Variants in LRRC4C observed in about 807,000 individuals in gnomAD.
LRRC4C encodes the protein leucine rich repeat containing 4C.
LRRC4C carries 5 observed loss-of-function variants against 33.6 expected under a neutral mutation model. The observed-to-expected ratio is 0.15, with a 90% confidence interval of 0.08 to 0.31. The LOEUF (loss-of-function observed/expected upper bound fraction) is 0.31, where lower values mean the gene tolerates loss of function less well. LRRC4C is among the 10% of genes least tolerant of loss of function. The pLI, the probability that LRRC4C is intolerant of heterozygous loss-of-function variation, is 1.00. For synonymous variants in LRRC4C, 329 were observed against 302.0 expected, an observed-to-expected ratio of 1.09 and a Z score of -0.93; for missense variants, 560 against 796.7, an observed-to-expected ratio of 0.70 and a Z score of 3.58.
chr11:40,156,944 C>A lies in LRRC4C; in HGVS notation c.-95-16091G>T, dbSNP rs531863299. Among the ~76,000 whole-genome samples, 155 of 152,082 alleles carry A rather than the reference C, an allele frequency of 1.0e-3. 1 individual carries two copies. The highest frequency in any genetic ancestry group is 2.0e-3 in the Non-Finnish European group (135 of 67,958). On this transcript the variant is annotated intron_variant, in intron 5 of 6. Transcript: ENST00000528697. ...AAATTCATATGGAATCAAAAAAGAG[C>A]CCGTATAGCCAAAGCAAGACTAAGC... is the stretch of plus-strand genomic sequence containing the variant.
intron 5 of LRRC4C, among the ~76,000 whole-genome samples, chr11:40,207,200 G>T (rs1458214382): frequency 6.6e-6 from 1 of 152,126 alleles, no homozygotes; most frequent in Non-Finnish European, 1.5e-5. Context: ...CTTGCAAATG[G>T]ATTCGTTTGG....
chr11:40,500,643 C>T (rs1333951629), intron 3 of LRRC4C, among the ~76,000 whole-genome samples: 1 of 152,008 alleles, frequency 6.6e-6, no homozygotes, highest in Non-Finnish European at 1.5e-5. Context: ...ACCACAGGTA[C>T]AGTACGGGAG....
chr11:40,359,532 G>A (rs2137155429), intron 3 of LRRC4C, among the ~76,000 whole-genome samples: 1 of 152,242 alleles, frequency 6.6e-6, no homozygotes, highest in South Asian at 2.1e-4. Flanking sequence ...ACATCACAAT[G>A]CTAATTCTGG....
chr11:40,360,755 C>T (rs1000416665), intron 3 of LRRC4C, among the ~76,000 whole-genome samples: 3 of 152,008 alleles, frequency 2.0e-5, no homozygotes, highest in African/African-American at 7.2e-5. Flanking sequence ...TCTATAAGGC[C>T]AGCATCATCC....
intron 1 of LRRC4C, among the ~76,000 whole-genome samples, chr11:41,216,459 G>GT (rs1947068306): frequency 7.3e-6 from 1 of 137,366 alleles, no homozygotes; most frequent in African/African-American, 2.8e-5. Context: ...ACATTCTTAA[G>GT]TAAAAAAAAA....
At chr11:41,267,839 A>C (rs1030521618) in intron 1 of LRRC4C, among the ~76,000 whole-genome samples, 1 of 152,098 alleles carries the variant, frequency 6.6e-6, no homozygotes, top group East Asian at 1.9e-4. Flanking sequence ...ATGTCTAATA[A>C]TGTAATGCCT....
chr11:40,702,261 A>T (rs1171947541), intron 2 of LRRC4C, among the ~76,000 whole-genome samples: 1 of 152,134 alleles, frequency 6.6e-6, no homozygotes, highest in Non-Finnish European at 1.5e-5. Flanking sequence ...GCTTTTATCC[A>T]ACACCATAGC....
At chr11:40,794,814 C>T (rs553789795) in intron 2 of LRRC4C, among the ~76,000 whole-genome samples, 1 of 151,512 alleles carries the variant, frequency 6.6e-6, no homozygotes, top group South Asian at 2.1e-4. Context: ...AAGTCCGTAA[C>T]CAGGGCTTAG....
At chr11:41,197,207 C>T (rs1285791538) in intron 1 of LRRC4C, among the ~76,000 whole-genome samples, 2 of 151,984 alleles carry the variant, frequency 1.3e-5, no homozygotes, top group East Asian at 1.9e-4. Flanking sequence ...GATCTCTATA[C>T]CCACAAGCAT....
At chr11:40,867,472 T>C (rs1048062425) in intron 2 of LRRC4C, among the ~76,000 whole-genome samples, 4 of 152,208 alleles carry the variant, frequency 2.6e-5, no homozygotes, top group Non-Finnish European at 4.4e-5. Context: ...AAGTAATTAG[T>C]ATCACTATTA....
At chr11:41,261,148 CAG>C (rs1948970276) in intron 1 of LRRC4C, among the ~76,000 whole-genome samples, 1 of 152,006 alleles carries the variant, frequency 6.6e-6, no homozygotes. Context: ...AGGGGCTTGA[CAG>C]AGTCTTGTCC....
intron 3 of LRRC4C, among the ~76,000 whole-genome samples, chr11:40,629,149 CTTA>C (rs1237106757): frequency 2.0e-5 from 3 of 152,006 alleles, no homozygotes; most frequent in African/African-American, 7.2e-5. Context: ...AAAATTGGCT[CTTA>C]TAAGATAGTA....
intron 2 of LRRC4C, among the ~76,000 whole-genome samples, chr11:40,834,868 T>C (rs1190184704): frequency 8.0e-6 from 1 of 124,546 alleles, no homozygotes; most frequent in African/African-American, 2.7e-5. Flanking sequence ...GCAAAACATA[T>C]GCAAAGAAAA....
At chr11:40,238,600 G>A (rs528143434) in intron 5 of LRRC4C, among the ~76,000 whole-genome samples, 2 of 152,292 alleles carry the variant, frequency 1.3e-5, no homozygotes, top group South Asian at 4.1e-4. Flanking sequence ...ATACTCCAGT[G>A]TAACTTTCAT....
intron 3 of LRRC4C, among the ~76,000 whole-genome samples, chr11:40,552,113 A>G (rs759108992): frequency 2.7e-4 from 41 of 152,208 alleles, no homozygotes; most frequent in Non-Finnish European, 5.7e-4. Flanking sequence ...CCTACCTTGC[A>G]TATTTTGGAC....
intron 1 of LRRC4C, among the ~76,000 whole-genome samples, chr11:41,037,873 T>C (rs1266328775): frequency 1.3e-5 from 2 of 152,210 alleles, no homozygotes; most frequent in African/African-American, 4.8e-5. Flanking sequence ...AGTCTGTAAG[T>C]ATGCATTCAT....
chr11:41,011,799 T>TA (rs56021850), intron 1 of LRRC4C, among the ~76,000 whole-genome samples: 40,926 of 142,172 alleles, frequency 0.29, 6,176 homozygotes, highest in East Asian at 0.48. Flanking sequence ...CACTTAAAAT[T>TA]AAAAAAAAAA....
chr11:40,490,713 C>T (rs1954106010), intron 3 of LRRC4C, among the ~76,000 whole-genome samples: 1 of 152,106 alleles, frequency 6.6e-6, no homozygotes. Context: ...CCTCGGCAGC[C>T]TCCATCTCTT....
intron 6 of LRRC4C, among the ~76,000 whole-genome samples, chr11:40,121,091 CAGG>C (rs751094205): frequency 1.3e-5 from 2 of 152,040 alleles, no homozygotes; most frequent in Non-Finnish European, 2.9e-5. Flanking sequence ...TTTTTTAAGA[CAGG>C]AGCAGCAATA....
Sources: allele counts gnomAD v4.1 joint callset (sites outside exome capture counted in the v4.1 genomes callset), GRCh38; gene constraint gnomAD v4.1.1; transcripts MANE v1.5; gene names NCBI Gene and HGNC (gene_info 2026-07-23, HGNC 2026-07-21).